The following GLRA2 variants were observed in gnomAD, a reference collection of about 807,000 sequenced individuals.
GLRA2 encodes the protein glycine receptor alpha 2.
A neutral mutation model predicts 31.6 loss-of-function variants in GLRA2; 11 were observed. The observed-to-expected ratio is 0.35, with a 90% CI of 0.22 to 0.58. The LOEUF is 0.58. GLRA2 is among the 20% of genes least tolerant of loss of function. The probability of loss-of-function intolerance (pLI) is 0.84; values close to 1 mark genes in which losing one functional copy is unlikely to be tolerated. For synonymous variants in GLRA2, 132 were observed against 134.0 expected (o/e 0.99, Z 0.10); for missense variants, 212 against 351.8 (o/e 0.60, Z 3.18).
At chrX:14,543,890 G>A (rs2089442032) in intron 2 of GLRA2, among the ~76,000 whole-genome samples, 1 of 111,653 alleles carries the variant, frequency 9.0e-6, no homozygotes, top group Non-Finnish European at 1.9e-5. Flanking sequence ...CTTATCATGA[G>A]TAACATCCTG....
chrX:14,712,458 C>G (rs1297489294), intron 8 of GLRA2, among the ~76,000 whole-genome samples: 1 of 111,175 alleles, frequency 9.0e-6, no homozygotes, highest in Non-Finnish European at 1.9e-5. Context: ...TCTTCTTTAT[C>G]CTTGTTTCTG....
At chrX:14,475,096 C>T in the GLRA2 span, among the ~76,000 whole-genome samples, 755 of 111,734 alleles carry the variant, frequency 6.8e-3, 18 homozygotes, top group East Asian at 0.079. Context: ...ATTCATTAGC[C>T]CAAAGTGGAT....
intron 7 of GLRA2, among the ~76,000 whole-genome samples, chrX:14,686,580 T>G (rs771121070): frequency 5.4e-5 from 6 of 111,565 alleles, no homozygotes; most frequent in East Asian, 2.8e-4. Flanking sequence ...GGCCTTCTTT[T>G]TCTCTTTTGA....
At chrX:14,633,142 G>T (rs186414769) in intron 7 of GLRA2, among the ~76,000 whole-genome samples, 422 of 111,987 alleles carry the variant, frequency 3.8e-3, no homozygotes, top group Non-Finnish European at 6.2e-3. Context: ...AAGATGACCA[G>T]AAACAAGTGT....
chrX:14,450,714 G>A, the GLRA2 span, among the ~76,000 whole-genome samples: 16 of 111,345 alleles, frequency 1.4e-4, no homozygotes, highest in East Asian at 4.3e-3. Context: ...ATTCTGTTTT[G>A]TTTTGTTTTT....
At chrX:14,593,009 G>T (rs1406222565) in intron 4 of GLRA2, among the ~76,000 whole-genome samples, 3 of 111,777 alleles carry the variant, frequency 2.7e-5, no homozygotes, top group Non-Finnish European at 5.6e-5. Flanking sequence ...AAAACCAGAG[G>T]TTCTGGTGAG....
chrX:14,506,364 GC>G, the GLRA2 span, among the ~76,000 whole-genome samples: 2 of 110,325 alleles, frequency 1.8e-5, no homozygotes, highest in African/African-American at 6.6e-5. Context: ...TTTTTGCCTT[GC>G]ATCCTCGCTT....
the GLRA2 span, among the ~76,000 whole-genome samples, chrX:14,453,339 C>T: frequency 4.5e-5 from 5 of 111,121 alleles, no homozygotes; most frequent in Non-Finnish European, 9.4e-5. Context: ...GGGGATAGGG[C>T]ATGCTACTGA....
At chrX:14,556,811 CAA>C (rs1177418340) in intron 2 of GLRA2, among the ~76,000 whole-genome samples, 1 of 112,016 alleles carries the variant, frequency 8.9e-6, no homozygotes, top group Non-Finnish European at 1.9e-5. Flanking sequence ...CAGAGTGACT[CAA>C]GAGCTATTCA....
At chrX:14,651,873 G>A (rs774269256) in intron 7 of GLRA2, among the ~76,000 whole-genome samples, 1 of 111,567 alleles carries the variant, frequency 9.0e-6, no homozygotes, top group African/African-American at 3.3e-5. Flanking sequence ...CCTCCAATGC[G>A]ACGGTATTTG....
the GLRA2 span, among the ~76,000 whole-genome samples, chrX:14,470,313 T>C: frequency 8.9e-6 from 1 of 112,075 alleles, no homozygotes; most frequent in African/African-American, 3.2e-5. Context: ...ACATAATTCT[T>C]AGTACAATAT....
At chrX:14,537,572 T>G (rs2089342959) in intron 2 of GLRA2, among the ~76,000 whole-genome samples, 1 of 111,130 alleles carries the variant, frequency 9.0e-6, no homozygotes, top group South Asian at 3.8e-4. Flanking sequence ...GTCCAATAAC[T>G]ATTCTAACCT....
chrX:14,526,651 A>G (rs1378312363), upstream of GLRA2, among the ~76,000 whole-genome samples: 1 of 111,864 alleles, frequency 8.9e-6, no homozygotes, highest in African/African-American at 3.2e-5. Context: ...TGAAATAGAC[A>G]CAGTAGAATA....
At chrX:14,560,710 G>A (rs2089715017) in intron 2 of GLRA2, among the ~76,000 whole-genome samples, 2 of 104,640 alleles carry the variant, frequency 1.9e-5, no homozygotes, top group South Asian at 9.0e-4. Flanking sequence ...CTAGCTACTT[G>A]GGAGCCTGAG....
At chrX:14,700,050 AAATAATCTGTAC>A (rs1161718642) in intron 8 of GLRA2, among the ~76,000 whole-genome samples, 1 of 111,045 alleles carries the variant, frequency 9.0e-6, no homozygotes, top group Non-Finnish European at 1.9e-5. Flanking sequence ...TGGGGTGATG[AAATAATCTGTAC>A]AATAATCTGT....
At chrX:14,714,060 T>C (rs2091750093) in intron 8 of GLRA2, among the ~76,000 whole-genome samples, 1 of 111,020 alleles carries the variant, frequency 9.0e-6, no homozygotes, top group African/African-American at 3.3e-5. Flanking sequence ...CAAGAAGTTA[T>C]TAGGTTCTGG....
chrX:14,586,907 T>A (rs891645014), intron 4 of GLRA2, among the ~76,000 whole-genome samples: 3 of 112,218 alleles, frequency 2.7e-5, no homozygotes, highest in Non-Finnish European at 3.8e-5. Context: ...GGATTTTTTT[T>A]AAATTTGAAG....
the GLRA2 span, among the ~76,000 whole-genome samples, chrX:14,488,144 G>C: frequency 8.9e-6 from 1 of 111,882 alleles, no homozygotes; most frequent in Admixed American, 9.5e-5. Flanking sequence ...CTAGAAAGCT[G>C]ACATTGGAAT....
chrX:14,706,853 C>T (rs1279227981), intron 8 of GLRA2, among the ~76,000 whole-genome samples: 2 of 111,996 alleles, frequency 1.8e-5, no homozygotes, highest in African/African-American at 3.3e-5. Context: ...CTGGAAAGCA[C>T]AAAATGCTTC....
Sources: allele counts gnomAD v4.1 joint callset (sites outside exome capture counted in the v4.1 genomes callset), GRCh38; gene constraint gnomAD v4.1.1; transcripts MANE v1.5; gene names NCBI Gene and HGNC (gene_info 2026-07-23, HGNC 2026-07-21).